Variants in PTPRT observed in about 807,000 individuals in gnomAD.
PTPRT encodes the protein receptor-type tyrosine-protein phosphatase T.
Under a neutral mutation model 176.8 loss-of-function variants are expected in PTPRT, and 56 were observed. The observed-to-expected ratio is 0.32, with a 90% CI of 0.26 to 0.40. PTPRT has a LOEUF of 0.40. Among genes scored for constraint, PTPRT ranks in the 10% least tolerant of loss-of-function variants. The pLI, the probability that PTPRT is intolerant of heterozygous loss-of-function variation, is 1.00. For synonymous variants in PTPRT, 783 were observed against 739.0 expected (o/e 1.06, Z -0.96); for missense variants, 1,540 against 1,908.2 (o/e 0.81, Z 3.60).
intron 1 of PTPRT, among the ~76,000 whole-genome samples, chr20:43,002,490 C>T (rs1048771165): frequency 6.6e-6 from 1 of 152,044 alleles, no homozygotes; most frequent in Non-Finnish European, 1.5e-5. Context: ...CAAAATTAAA[C>T]AACCAAGAAA....
chr20:42,947,864 T>C (rs1163250789), intron 1 of PTPRT, among the ~76,000 whole-genome samples: 1 of 152,148 alleles, frequency 6.6e-6, no homozygotes, highest in Non-Finnish European at 1.5e-5. Flanking sequence ...GACCACTCCT[T>C]CATCCTTATC....
chr20:42,715,099 T>C (rs1169248621), intron 6 of PTPRT, among the ~76,000 whole-genome samples: 3 of 152,148 alleles, frequency 2.0e-5, no homozygotes, highest in Non-Finnish European at 4.4e-5. Context: ...CACATGAAGA[T>C]AACTGATAAG....
intron 1 of PTPRT, among the ~76,000 whole-genome samples, chr20:43,127,422 C>CAA (rs35897839): frequency 1.4e-3 from 141 of 101,324 alleles, no homozygotes; most frequent in Non-Finnish European, 1.9e-3. Context: ...GACTCCATCT[C>CAA]AAAAAAAAAA....
At chr20:42,296,984 A>G (rs1037622111) in intron 12 of PTPRT, among the ~76,000 whole-genome samples, 1 of 152,172 alleles carries the variant, frequency 6.6e-6, no homozygotes, top group Non-Finnish European at 1.5e-5. Flanking sequence ...TCAAAAATAC[A>G]AATTTAAAAA....
chr20:43,169,509 T>C (rs2014942842), intron 1 of PTPRT, among the ~76,000 whole-genome samples: 1 of 152,236 alleles, frequency 6.6e-6, no homozygotes, highest in Non-Finnish European at 1.5e-5. Flanking sequence ...CACTGGGGGT[T>C]ATAAATGTAG....
At chr20:43,188,070 T>G (rs1438539562) in intron 1 of PTPRT, among the ~76,000 whole-genome samples, 4 of 152,074 alleles carry the variant, frequency 2.6e-5, no homozygotes, top group Non-Finnish European at 4.4e-5. Flanking sequence ...GGAACGTGAG[T>G]GGTATTAATG....
At chr20:42,119,291 C>T (rs572204433) in intron 20 of PTPRT, among the ~76,000 whole-genome samples, 6 of 152,198 alleles carry the variant, frequency 3.9e-5, no homozygotes, top group Admixed American at 2.6e-4. Context: ...TTAATAGCTG[C>T]GAAGTTTTCT....
Position 42,873,032 on chromosome 20 carries a change from G to A in PTPRT, c.214+12775C>T, listed in dbSNP as rs202209344. Among the ~76,000 whole-genome samples the A allele has an allele frequency of 2.0e-5, 3 of 152,210 alleles. No homozygotes were observed. In the East Asian group the frequency reaches 5.8e-4, roughly 29 times the overall value. ...TAACCACAGGAAGAACAGAGCTAGA[G>A]GGGCCTGAGGTAGCTCTGTTGTTAA... On this transcript the variant is annotated intron_variant, in intron 2 of 30. Coordinates refer to ENST00000373187, the MANE Select transcript of PTPRT (RefSeq NM_007050.6).
At chr20:42,706,177 G>C (rs62205377) in intron 6 of PTPRT, among the ~76,000 whole-genome samples, 60 of 52,522 alleles carry the variant, frequency 1.1e-3, no homozygotes, top group East Asian at 3.5e-3. Context: ...CTCTCTCTCT[G>C]TTTGTGTGTG....
At chr20:42,898,542 A>G (rs894179732) in intron 1 of PTPRT, among the ~76,000 whole-genome samples, 3 of 152,070 alleles carry the variant, frequency 2.0e-5, no homozygotes, top group Non-Finnish European at 2.9e-5. Flanking sequence ...TGGGACTACA[A>G]TTATGTCCTC....
intron 9 of PTPRT, among the ~76,000 whole-genome samples, chr20:42,390,288 T>G (rs1431233195): frequency 6.6e-6 from 1 of 152,234 alleles, no homozygotes; most frequent in African/African-American, 2.4e-5. Flanking sequence ...CTTATGAAAT[T>G]ACATCTCTAC....
intron 12 of PTPRT, among the ~76,000 whole-genome samples, chr20:42,306,164 C>T (rs139169444): frequency 1.3e-5 from 2 of 152,172 alleles, no homozygotes; most frequent in African/African-American, 4.8e-5. Flanking sequence ...TCTGTAGAAA[C>T]TGTAAGTGGA....
chr20:42,965,833 G>A (rs1451443573), intron 1 of PTPRT, among the ~76,000 whole-genome samples: 2 of 152,076 alleles, frequency 1.3e-5, no homozygotes, highest in African/African-American at 2.4e-5. Flanking sequence ...AGTGGAGAAG[G>A]GATCCTGAAA....
chr20:42,364,408 T>C (rs1399240098), intron 9 of PTPRT, among the ~76,000 whole-genome samples: 1 of 152,204 alleles, frequency 6.6e-6, no homozygotes, highest in Admixed American at 6.5e-5. Context: ...ATCAATTCAA[T>C]CCAGCAGAGT....
At chr20:42,041,247 T>C in the PTPRT span, among the ~76,000 whole-genome samples, 4 of 152,166 alleles carry the variant, frequency 2.6e-5, no homozygotes, top group Non-Finnish European at 5.9e-5. Flanking sequence ...ACTTTCTGAG[T>C]ATAAACTATG....
intron 2 of PTPRT, among the ~76,000 whole-genome samples, chr20:42,831,690 A>T (rs2078091617): frequency 1.3e-5 from 2 of 152,194 alleles, no homozygotes; most frequent in Admixed American, 6.5e-5. Context: ...TGAGAGAAAA[A>T]CAATCCCATT....
At chr20:42,982,865 C>G (rs146278070) in intron 1 of PTPRT, among the ~76,000 whole-genome samples, 247 of 152,338 alleles carry the variant, frequency 1.6e-3, no homozygotes, top group African/African-American at 5.6e-3. Flanking sequence ...TTCCTCTGTG[C>G]CAGGCACTGC....
intron 9 of PTPRT, among the ~76,000 whole-genome samples, chr20:42,380,099 C>G (rs6030181): frequency 1.3e-5 from 2 of 152,320 alleles, no homozygotes; most frequent in South Asian, 4.2e-4. Context: ...CACTAAGAAC[C>G]TAAGCCCTAT....
rs540313705 is a variant in PTPRT at position 42,080,735 on chromosome 20, G to A, written c.*144C>T. 34 of 744,524 alleles carry A rather than the reference G, an allele frequency of 4.6e-5. No individual in the cohort carries two copies. The highest frequency in any genetic ancestry group is 2.4e-4 in the African/African-American group (14 of 57,330). The allele number at this position is 744,524 out of a possible 1,614,324, so 46.1% of individuals were successfully genotyped here. A position where few individuals can be genotyped will look rare whatever the true frequency, so the allele number is the denominator to read the frequency against. The stretch of plus-strand genomic sequence containing the variant: ...CCCCTCAGAAGGTGCAGAGCCCCCC[G>A]TGGAACACAGGGCCACCAGTCTTCT... On this transcript the variant is annotated 3_prime_UTR_variant, in exon 31 of 31. Transcript: ENST00000373187.
Sources: allele counts gnomAD v4.1 joint callset (sites outside exome capture counted in the v4.1 genomes callset), GRCh38; gene constraint gnomAD v4.1.1; transcripts MANE v1.5; gene names NCBI Gene and HGNC (gene_info 2026-07-23, HGNC 2026-07-21).